FLOT1: variants seen among roughly 807,000 people sequenced by gnomAD.
The protein encoded by FLOT1 is flotillin 1.
Under a neutral mutation model 58.4 loss-of-function variants are expected in FLOT1, and 40 were observed. That is an observed-to-expected ratio of 0.69 (90% CI 0.53 to 0.89). The LOEUF (loss-of-function observed/expected upper bound fraction) is 0.89. Among genes scored for constraint, FLOT1 ranks in the 40% least tolerant of loss-of-function variants. FLOT1 has a pLI of 0.00. For synonymous variants in FLOT1, 178 were observed against 204.2 expected (o/e 0.87, Z 1.09); for missense variants, 423 against 540.8 (o/e 0.78, Z 2.16).
chr6:30,730,223 C>T (rs778572164), intron 11 of FLOT1, 37 bp from the exon 12 acceptor site: 5 of 1,607,652 alleles, frequency 3.1e-6, no homozygotes, highest in Non-Finnish European at 4.3e-6. Flanking sequence ...TGCCCATGAT[C>T]TGACCACATT....
intron 12 of FLOT1, 81 bp from the exon 13 acceptor site, chr6:30,728,226 C>T (rs41270529): frequency 0.046 from 54,655 of 1,200,866 alleles, 2,108 homozygotes; most frequent in African/African-American, 0.15. Context: ...CCAGTTTAGA[C>T]GAATGGGCTA....
Position 30,742,197 on chromosome 6 carries a change from G to A in FLOT1, c.-8C>T. On this transcript the variant is annotated 5_prime_UTR_variant, in exon 2 of 13. Transcript: ENST00000376389. The surrounding 1 kb of genome is among the most constrained non-coding windows in gnomAD (Gnocchi z 5.2). The stretch of plus-strand genomic sequence containing the variant: ...GCCACAAGTGAAAAACATGGTTCAG[G>A]CTGGAGCTGGAGGAGAGGGAGGGAA... 2 of 1,612,918 alleles carry A rather than the reference G, an allele frequency of 1.2e-6. No homozygotes were observed. The highest frequency in any genetic ancestry group is 1.7e-6 in the Non-Finnish European group (2 of 1,179,912).
Position 30,731,084 on chromosome 6 carries a change from T to C in FLOT1, c.740A>G (p.Gln247Arg). The change falls in exon 9 of 13, where the codon CAG (glutamine) becomes CGG (arginine). Residue 247 changes from glutamine to arginine, a missense_variant. Around this residue, in one of 6 missense-constraint regions of FLOT1, gnomAD observed 137 missense variants for 194.6 expected, o/e 0.70. Transcript: ENST00000376389. ...CTGCACCCGCTGCTCCTCAATCTGC[T>C]GCTTAGTCTTGGCCACCTGGGTAGG... is the stretch of plus-strand genomic sequence containing the variant. ...AYQLQVAKTK[Q>R]QIEEQRVQVQ... 1.9e-6 allele frequency: 3 copies of C among 1,606,872 alleles called. No individual in the cohort carries two copies. Among genetic ancestry groups the C allele is most frequent in the Non-Finnish European group, 2.5e-6 (3 of 1,178,710 alleles).
In FLOT1 at chr6:30,727,864, G is replaced by T; in HGVS notation, c.*252C>A. ...CTGATTTAATTAGGAAGTTAAATAA[G>T]TTGAGGTGGGGTGGAGTGGGATCAT... On this transcript the variant is annotated 3_prime_UTR_variant, in exon 13 of 13. Coordinates refer to ENST00000376389, the MANE Select transcript of FLOT1 (RefSeq NM_005803.4). 3.4e-6 allele frequency: 2 copies of T among 594,314 alleles called. No homozygotes were observed. The highest frequency in any genetic ancestry group is 4.1e-5 in the South Asian group (2 of 48,994). The allele number at this position is 594,314 out of a possible 1,614,324, so 36.8% of individuals were successfully genotyped here.
At chr6:30,732,175 G>A (rs1777251151) in intron 8 of FLOT1, among the ~76,000 whole-genome samples, 2 of 151,858 alleles carry the variant, frequency 1.3e-5, no homozygotes, top group South Asian at 4.2e-4. Context: ...CACCATGTTG[G>A]CCAGGCTGGT....
Position 30,741,866 on chromosome 6 carries a change from C to T in FLOT1, c.45G>A (p.Gly15=). The change falls in exon 3 of 13, where the codon GGG becomes GGA. Residue 15 remains glycine, a splice_region_variant and synonymous_variant. Coordinates refer to ENST00000376389, the MANE Select transcript of FLOT1 (RefSeq NM_005803.4). The surrounding 1 kb of genome is among the most constrained non-coding windows in gnomAD (Gnocchi z 5.9). ...CCATGACTGGGGGGCTTCGGCAGAA[C>T]CCTGCAAGGTGTGGGGCAGTGAGGA... The part of the protein sequence containing the change: ...CGPNEAMVVS[G]FCRSPPVMVA... 6.2e-7 allele frequency: 1 copy of T among 1,612,372 alleles called. No individual in the cohort carries two copies. The highest frequency in any genetic ancestry group is 8.5e-7 in the Non-Finnish European group (1 of 1,179,980).
chr6:30,741,144 C>A lies in FLOT1; in HGVS notation c.354+46G>T, dbSNP rs749891560. The A allele has an allele frequency of 3.7e-6, 6 of 1,605,844 alleles. No individual in the cohort carries two copies. The Admixed American group carries it at 8.3e-5, about 22-fold the overall frequency. On this transcript the variant is annotated intron_variant, in intron 5 of 12. Coordinates refer to ENST00000376389, the MANE Select transcript of FLOT1 (RefSeq NM_005803.4). This position sits in a 1 kb window ranked among gnomAD's most constrained non-coding sequence, Gnocchi z 5.9. ...CAGACTAGTGTGGGCCTTGGGCCCCCCTCATTTTGACATCCTTCCAGATGG... is the reference window on the plus strand; with the variant it reads ...CAGACTAGTGTGGGCCTTGGGCCCCACTCATTTTGACATCCTTCCAGATGG...
At chr6:30,729,915 TA>T in intron 12 of FLOT1, 106 bp downstream of exon 12, 1 of 976,922 alleles carries the variant, frequency 1.0e-6, no homozygotes. Context: ...AAGTGATTAA[TA>T]AACATCAATG....
chr6:30,735,537 C>T (rs988491186), intron 8 of FLOT1, among the ~76,000 whole-genome samples: 4 of 151,354 alleles, frequency 2.6e-5, no homozygotes, highest in East Asian at 1.9e-4. Context: ...GGGTGAGGCA[C>T]GAGAATCATT....
rs1191258584 is a variant in FLOT1, at chr6:30,737,230, G to GTCCATCCATCCATCCA, written c.723+2927_723+2928insTGGATGGATGGATGGA. On this transcript the variant is annotated intron_variant, in intron 8 of 12. Transcript: ENST00000376389. The surrounding 1 kb of genome is among the most constrained non-coding windows in gnomAD (Gnocchi z 4.4). ...CTGTCGTCCGTCCGTCCGTCCGTCC[G>GTCCATCCATCCATCCA]TCCGTCCGTCCGTCCGTCCATCCGT... Among the ~76,000 whole-genome samples, 8 of 136,684 alleles carry GTCCATCCATCCATCCA rather than the reference G, an allele frequency of 5.9e-5. No individual in the cohort carries two copies. The highest frequency in any genetic ancestry group is 2.4e-4 in the African/African-American group (8 of 33,562). 89.7% of individuals were successfully genotyped at this position (136,684 alleles called of 152,430 possible). A position where few individuals can be genotyped will look rare whatever the true frequency, so the allele number is the denominator to read the frequency against.
In FLOT1 at chr6:30,731,485, C is replaced by CAAAA. The variant is rs35667527; in HGVS notation, c.724-389_724-386dup. Among the ~76,000 whole-genome samples, 303 of 83,646 alleles carry CAAAA rather than the reference C, an allele frequency of 3.6e-3. 1 individual carries two copies. The highest frequency in any genetic ancestry group is 0.011 in the African/African-American group (232 of 20,856). The allele number at this position is 83,646 out of a possible 152,430, so 54.9% of individuals were successfully genotyped here. On this transcript the variant is annotated intron_variant, in intron 8 of 12. Transcript: ENST00000376389. ...GGGCAACAGAGTAAGACTCCATCTC[C>CAAAA]AAAAAAAAAAAAAAAAAAAAAGGAG...
intron 8 of FLOT1, among the ~76,000 whole-genome samples, chr6:30,738,180 G>A (rs1448301668): frequency 6.6e-6 from 1 of 152,166 alleles, no homozygotes; most frequent in Non-Finnish European, 1.5e-5. Context: ...TAAAATGCAG[G>A]TTCTGATTCA....
rs756789679 is a variant in FLOT1, at chr6:30,740,694, G to A, written c.459C>T (p.Asp153=). ...GISVVSYTLK[D]IHDDQDYLHS... ...CTAGTTTTACCTGGTCATCGTGAAT[G>A]TCCTTCAGAGTGTAGCTAACCACAC... is the stretch of plus-strand genomic sequence containing the variant. The change falls in exon 6 of 13, where the codon GAC becomes GAT. Residue 153 remains aspartate, a synonymous_variant. Transcript: ENST00000376389. 3 of 1,612,906 alleles carry A rather than the reference G, an allele frequency of 1.9e-6. No homozygotes were observed. Among genetic ancestry groups the A allele is most frequent in the Admixed American group, 1.7e-5 (1 of 59,992 alleles).
Position 30,730,476 on chromosome 6 carries a change from C to G in FLOT1, c.1041G>C (p.Leu347=). ...QMAKKAEAFQ[L]YQEAAQLDML... is the part of the protein sequence containing the mutation. ...TGTCCAGCTGAGCAGCCTCTTGGTA[C>G]AGCTGGAAGGCTTCTGCCTTCTTGG... is the stretch of plus-strand genomic sequence containing the variant. The change falls in exon 11 of 13, where the codon CTG becomes CTC. Residue 347 remains leucine (L), a synonymous_variant. Transcript: ENST00000376389. 1.2e-6 allele frequency: 2 copies of G among 1,605,926 alleles called. No homozygotes were observed. The highest frequency in any genetic ancestry group is 1.7e-6 in the Non-Finnish European group (2 of 1,174,104).
At position 30,741,706 on chromosome 6, in the gene FLOT1, TA is replaced by T; in HGVS notation, c.120-3del. On this transcript the variant is annotated splice_region_variant and splice_polypyrimidine_tract_variant and intron_variant, in intron 3 of 12. Transcript: ENST00000376389. This position sits in a 1 kb window ranked among gnomAD's most constrained non-coding sequence, Gnocchi z 5.9. ...AGGGTCAGTGTGTTGAGAGAGATCC[TA>T]GGGGAAAAAGAAGGGACAGACAGTA... is the stretch of plus-strand genomic sequence containing the variant. 6.2e-7 allele frequency: 1 copy of T among 1,612,418 alleles called. No individual in the cohort carries two copies. Among genetic ancestry groups the T allele is most frequent in the Non-Finnish European group, 8.5e-7 (1 of 1,179,562 alleles).
intron 10 of FLOT1, 40 bp downstream of exon 10, chr6:30,730,642 C>A: frequency 6.2e-7 from 1 of 1,613,748 alleles, no homozygotes; most frequent in Non-Finnish European, 8.5e-7. Context: ...GCAACCCCCA[C>A]CCTCTCCACA....
At position 30,731,001 on chromosome 6, in the gene FLOT1, G is replaced by T; in HGVS notation, c.823C>A (p.Arg275=). 3.1e-6 allele frequency: 5 copies of T among 1,613,590 alleles called. No individual in the cohort carries two copies. Among genetic ancestry groups the T allele is most frequent in the Non-Finnish European group, 4.2e-6 (5 of 1,180,006 alleles). The change falls in exon 9 of 13, where the codon CGG becomes AGG. Residue 275 remains arginine (R), a synonymous_variant. Coordinates refer to ENST00000376389, the MANE Select transcript of FLOT1 (RefSeq NM_005803.4). Reference sequence around the variant, plus strand: ...ACCCGGGCCTCCAGCTCCTTCTCCCGCCGGGCGATCTCCTGCTCCTGCACT... The same window carrying T: ...ACCCGGGCCTCCAGCTCCTTCTCCCTCCGGGCGATCTCCTGCTCCTGCACT... The part of the protein sequence containing the change: ...VAVQEQEIAR[R]EKELEARVRK...
intron 8 of FLOT1, among the ~76,000 whole-genome samples, chr6:30,734,130 T>C (rs1777403877): frequency 6.6e-6 from 1 of 151,582 alleles, no homozygotes; most frequent in African/African-American, 2.4e-5. Flanking sequence ...TCTAGAAGCT[T>C]TCATATTTTT....
chr6:30,736,592 C>A (rs565261954), intron 8 of FLOT1, among the ~76,000 whole-genome samples: 25 of 148,604 alleles, frequency 1.7e-4, no homozygotes, highest in South Asian at 6.6e-4. Flanking sequence ...GAGCCCAACT[C>A]ATCTTTTGCT....
Sources: gnomAD v4.1 joint callset for allele counts (sites outside exome capture counted in the v4.1 genomes callset) on GRCh38, gnomAD v4.1.1 for gene constraint, gnomAD v4.1.1 regional missense constraint, Gnocchi (gnomAD v3.1) non-coding constraint, MANE v1.5 for transcripts, NCBI Gene and HGNC (gene_info 2026-07-23, HGNC 2026-07-21) for gene names.